ACYP2: variants seen among roughly 807,000 people sequenced by gnomAD.
ACYP2 encodes acylphosphatase 2.
ACYP2 carries 12 observed loss-of-function variants against 11.2 expected under a neutral mutation model. The ratio of observed to expected loss-of-function variants is 1.08; its 90% CI spans 0.69 to 1.74. The LOEUF (loss-of-function observed/expected upper bound fraction) is 1.74. Among genes scored for constraint, ACYP2 ranks in the 40% most tolerant of loss-of-function variants. ACYP2 has a pLI of 0.00. For missense variants in ACYP2, 134 were observed against 101.9 expected (o/e 1.31, Z -1.35); for synonymous variants, 43 against 32.2 (o/e 1.33, Z -1.13).
intron 4 of ACYP2, among the ~76,000 whole-genome samples, chr2:54,088,814 C>G (rs1490586597): frequency 6.6e-6 from 1 of 152,180 alleles, no homozygotes. Flanking sequence ...GTTATTCCCA[C>G]TTAGTATATC....
intron 4 of ACYP2, among the ~76,000 whole-genome samples, chr2:54,093,805 T>A (rs1200423366): frequency 6.6e-6 from 1 of 151,994 alleles, no homozygotes; most frequent in Non-Finnish European, 1.5e-5. Context: ...CCGGGCGTGG[T>A]CGTGGGCGCC....
chr2:54,272,074 T>G (rs988830079), intron 6 of ACYP2, among the ~76,000 whole-genome samples: 2 of 152,180 alleles, frequency 1.3e-5, no homozygotes, highest in Non-Finnish European at 2.9e-5. Context: ...AGCACCTTCT[T>G]TTCATGGATC....
chr2:54,159,832 C>T (rs1053970208), intron 6 of ACYP2, among the ~76,000 whole-genome samples: 2 of 152,174 alleles, frequency 1.3e-5, no homozygotes, highest in African/African-American at 4.8e-5. Flanking sequence ...TTTCTGTCCT[C>T]TGCCACAAGT....
intron 4 of ACYP2, among the ~76,000 whole-genome samples, chr2:54,118,196 C>G (rs1238714697): frequency 6.6e-6 from 1 of 152,204 alleles, no homozygotes; most frequent in African/African-American, 2.4e-5. Context: ...TGGATCTGTA[C>G]TCTTTAGAAA....
At chr2:54,240,443 T>C (rs967678954) in intron 6 of ACYP2, among the ~76,000 whole-genome samples, 4 of 152,202 alleles carry the variant, frequency 2.6e-5, no homozygotes, top group Non-Finnish European at 4.4e-5. Context: ...CTTTGTAGCC[T>C]GGAGAACTCA....
chr2:54,032,273 TC>T (rs1558483071), intron 2 of ACYP2, among the ~76,000 whole-genome samples: 1 of 152,230 alleles, frequency 6.6e-6, no homozygotes, highest in Non-Finnish European at 1.5e-5. Flanking sequence ...AACATTTAAG[TC>T]TTTAATCCAT....
chr2:54,285,380 C>T (rs1689037227), intron 6 of ACYP2, among the ~76,000 whole-genome samples: 2 of 152,198 alleles, frequency 1.3e-5, no homozygotes, highest in African/African-American at 2.4e-5. Context: ...CTCTTGCTGA[C>T]CACTTCTCTT....
chr2:54,011,022 G>T lies in ACYP2; in HGVS notation c.62+37212G>T, dbSNP rs375713245. 1.1e-3 allele frequency among the ~76,000 whole-genome samples: 164 copies of T among 152,128 alleles called. 1 individual carries two copies. Among genetic ancestry groups the T allele is most frequent in the African/African-American group, 3.6e-3 (150 of 41,530 alleles). ...TCCTTTATTCACTTAAGAGAAAGGT[G>T]AGGAACAAAGAAAGGCTAAAAGACA... On this transcript the variant is annotated intron_variant, in intron 2 of 6. Coordinates refer to ENST00000607452, the MANE Select transcript of ACYP2 (RefSeq NM_001320586.2).
At chr2:54,207,747 A>T (rs1165269848) in intron 6 of ACYP2, among the ~76,000 whole-genome samples, 2 of 152,228 alleles carry the variant, frequency 1.3e-5, no homozygotes, top group African/African-American at 4.8e-5. Context: ...AGGACATGAA[A>T]CAAAAGCCAT....
chr2:54,010,737 CTT>C lies in ACYP2; in HGVS notation c.62+36954_62+36955del, dbSNP rs539896151. ...CTTCGGTTTCTCTTTTTCTTTCTTT[CTT>C]TTTTTTTTTTTTTTTTTTTTTTTTT... On this transcript the variant is annotated intron_variant, in intron 2 of 6. Coordinates refer to ENST00000607452, the MANE Select transcript of ACYP2 (RefSeq NM_001320586.2). Among the ~76,000 whole-genome samples, 209 of 107,632 alleles carry C rather than the reference CTT, an allele frequency of 1.9e-3. 6 individuals are homozygous for C. The highest frequency in any genetic ancestry group is 6.9e-3 in the African/African-American group (186 of 27,082). The allele number at this position is 107,632 out of a possible 152,430, so 70.6% of individuals were successfully genotyped here. A position where few individuals can be genotyped will look rare whatever the true frequency, so the allele number is the denominator to read the frequency against.
At chr2:53,972,701 A>G (rs1671227670) in intron 1 of ACYP2, among the ~76,000 whole-genome samples, 2 of 152,226 alleles carry the variant, frequency 1.3e-5, no homozygotes, top group African/African-American at 4.8e-5. Context: ...TGACATAATC[A>G]TGGCCTGGAT....
intron 6 of ACYP2, among the ~76,000 whole-genome samples, chr2:54,302,996 C>CT (rs1466163319): frequency 2.6e-5 from 4 of 152,156 alleles, no homozygotes; most frequent in Non-Finnish European, 4.4e-5. Context: ...TAGCCTATGA[C>CT]TTACAGGGTT....
chr2:54,271,144 G>C (rs1688279289), intron 6 of ACYP2, among the ~76,000 whole-genome samples: 1 of 152,204 alleles, frequency 6.6e-6, no homozygotes, highest in African/African-American at 2.4e-5. Context: ...GTTTGACTTT[G>C]AACCAAGGAT....
intron 6 of ACYP2, among the ~76,000 whole-genome samples, chr2:54,219,881 G>GTGTGTATATATATATATA (rs1222539416): frequency 2.0e-5 from 2 of 99,482 alleles, no homozygotes; most frequent in Admixed American, 1.2e-4. Context: ...GTGTGTGTGT[G>GTGTGTATATATATATATA]TATATATATA....
chr2:54,238,800 T>G (rs921080290), intron 6 of ACYP2, among the ~76,000 whole-genome samples: 1 of 151,946 alleles, frequency 6.6e-6, no homozygotes, highest in Non-Finnish European at 1.5e-5. Flanking sequence ...TGATTGCACA[T>G]GAAAATTTAT....
intron 6 of ACYP2, among the ~76,000 whole-genome samples, chr2:54,193,345 TG>T (rs1684317149): frequency 6.6e-6 from 1 of 152,176 alleles, no homozygotes; most frequent in African/African-American, 2.4e-5. Context: ...GTCTATAAAA[TG>T]GAAATGATGA....
intron 4 of ACYP2, among the ~76,000 whole-genome samples, chr2:54,113,860 C>A (rs1468952707): frequency 6.6e-6 from 1 of 151,814 alleles, no homozygotes; most frequent in African/African-American, 2.4e-5. Context: ...AGGCTGAAGA[C>A]CTTAGGTTCT....
At chr2:53,976,677 AG>A (rs2104506571) in intron 2 of ACYP2, among the ~76,000 whole-genome samples, 1 of 152,344 alleles carries the variant, frequency 6.6e-6, no homozygotes, top group African/African-American at 2.4e-5. Flanking sequence ...AGTTTTTTCT[AG>A]TTCCTGTAGG....
chr2:54,065,568 T>C, intron 4 of ACYP2: 1 of 398,506 alleles, frequency 2.5e-6, no homozygotes, highest in Non-Finnish European at 4.4e-6. Context: ...AGCTGAGGCT[T>C]CATCTGCAGT....
Sources: allele counts gnomAD v4.1 joint callset (sites outside exome capture counted in the v4.1 genomes callset), GRCh38; gene constraint gnomAD v4.1.1; transcripts MANE v1.5; gene names NCBI Gene and HGNC (gene_info 2026-07-23, HGNC 2026-07-21).